TSHZ2: variants seen among roughly 807,000 people sequenced by gnomAD.
TSHZ2 encodes teashirt homolog 2.
A neutral mutation model predicts 74.4 loss-of-function variants in TSHZ2; 21 were observed. The ratio of observed to expected loss-of-function variants is 0.28; its 90% confidence interval spans 0.20 to 0.41. The LOEUF is 0.41. TSHZ2 is among the 10% of genes least tolerant of loss of function. The pLI, the probability that TSHZ2 is intolerant of heterozygous loss-of-function variation, is 1.00. For synonymous variants in TSHZ2, 540 were observed against 515.3 expected, an observed-to-expected ratio of 1.05 and a Z score of -0.65; for missense variants, 1,244 against 1,293.5, an observed-to-expected ratio of 0.96 and a Z score of 0.59.
intron 1 of TSHZ2, among the ~76,000 whole-genome samples, chr20:52,985,776 G>A (rs552920967): frequency 6.6e-6 from 1 of 152,310 alleles, no homozygotes; most frequent in South Asian, 2.1e-4. Context: ...CCGAAAGCAT[G>A]TCTCTACGGG....
intron 1 of TSHZ2, among the ~76,000 whole-genome samples, chr20:53,112,225 G>T (rs908560514): frequency 1.3e-5 from 2 of 152,192 alleles, no homozygotes; most frequent in African/African-American, 4.8e-5. Flanking sequence ...CCACACAGGA[G>T]CCCATGCTCC....
intron 1 of TSHZ2, among the ~76,000 whole-genome samples, chr20:53,136,398 A>G (rs939247380): frequency 6.6e-6 from 1 of 152,140 alleles, no homozygotes; most frequent in Non-Finnish European, 1.5e-5. Flanking sequence ...TTTTAAGGGA[A>G]CTTAAAATTA....
chr20:53,332,433 G>A (rs1374608064), intron 2 of TSHZ2, among the ~76,000 whole-genome samples: 2 of 152,172 alleles, frequency 1.3e-5, no homozygotes, highest in Non-Finnish European at 2.9e-5. Context: ...TGAAAAAGAC[G>A]ATGGCAGAAC....
intron 2 of TSHZ2, among the ~76,000 whole-genome samples, chr20:53,401,908 A>G (rs532989544): frequency 2.7e-4 from 41 of 149,804 alleles, no homozygotes; most frequent in East Asian, 3.9e-4. Context: ...TCAGCCTCCC[A>G]AGTAGCTGGG....
intron 2 of TSHZ2, among the ~76,000 whole-genome samples, chr20:53,263,283 C>A (rs1360896867): frequency 6.6e-6 from 1 of 152,198 alleles, no homozygotes; most frequent in African/African-American, 2.4e-5. Flanking sequence ...CACTTCATAG[C>A]CATAAATAGA....
chr20:53,318,809 T>A (rs1979130344), intron 2 of TSHZ2, among the ~76,000 whole-genome samples: 1 of 152,178 alleles, frequency 6.6e-6, no homozygotes, highest in Admixed American at 6.5e-5. Context: ...TCAACCCATT[T>A]TCATACTGCT....
intron 2 of TSHZ2, among the ~76,000 whole-genome samples, chr20:53,355,082 A>G (rs1447745633): frequency 6.6e-6 from 1 of 152,240 alleles, no homozygotes; most frequent in Admixed American, 6.5e-5. Context: ...TGCCTAGAGT[A>G]TACCCAACAC....
chr20:53,004,154 A>G (rs1429143536), intron 1 of TSHZ2, among the ~76,000 whole-genome samples: 3 of 151,954 alleles, frequency 2.0e-5, no homozygotes, highest in Non-Finnish European at 4.4e-5. Context: ...CCCTCCAATT[A>G]AATACCTGCC....
At chr20:53,174,569 A>C (rs1988280337) in intron 1 of TSHZ2, among the ~76,000 whole-genome samples, 1 of 152,178 alleles carries the variant, frequency 6.6e-6, no homozygotes, top group Non-Finnish European at 1.5e-5. Flanking sequence ...CTTTATCTGC[A>C]GAGCAAGAAT....
intron 1 of TSHZ2, among the ~76,000 whole-genome samples, chr20:53,119,594 T>C (rs1986757621): frequency 6.6e-6 from 1 of 152,114 alleles, no homozygotes; most frequent in Non-Finnish European, 1.5e-5. Context: ...GAAATACACA[T>C]AGACTATCAA....
intron 1 of TSHZ2, chr20:53,196,516 G>A (rs1416244746): frequency 6.6e-6 from 1 of 151,974 alleles, no homozygotes; most frequent in Admixed American, 6.6e-5. Flanking sequence ...GAAGGAACCC[G>A]GAATTATAGG....
intron 1 of TSHZ2, among the ~76,000 whole-genome samples, chr20:52,973,817 T>C (rs1981223906): frequency 6.6e-6 from 1 of 152,122 alleles, no homozygotes; most frequent in Non-Finnish European, 1.5e-5. Flanking sequence ...GGGCCAGCAA[T>C]AGGAGTTTAG....
chr20:53,481,480 G>A (rs956328019), intron 2 of TSHZ2, among the ~76,000 whole-genome samples: 4 of 151,814 alleles, frequency 2.6e-5, no homozygotes, highest in African/African-American at 4.8e-5. Flanking sequence ...AGGCTGAGGT[G>A]GGAGGATCAC....
intron 1 of TSHZ2, among the ~76,000 whole-genome samples, chr20:53,095,512 T>A (rs1044943881): frequency 7.2e-5 from 11 of 152,110 alleles, no homozygotes; most frequent in Admixed American, 5.2e-4. Flanking sequence ...TAAGATATTA[T>A]TAGAAGCAGC....
rs115896804 is a variant in TSHZ2 at position 53,341,545 on chromosome 20, G to A, written c.*8+84974G>A. 3.8e-3 allele frequency among the ~76,000 whole-genome samples: 580 copies of A among 150,834 alleles called. 4 individuals carry two copies. Among genetic ancestry groups the A allele is most frequent in the African/African-American group, 0.013 (540 of 40,944 alleles). On this transcript the variant is annotated intron_variant, in intron 2 of 2. Coordinates refer to ENST00000371497, the MANE Select transcript of TSHZ2 (RefSeq NM_173485.6). ...TTACTATGTTGACCAGGCTAGTCTC[G>A]AACTGCTGACCTCAAGCAATCCTCC...
Position 52,973,122 on chromosome 20 carries a change from G to A in TSHZ2, c.-172G>A, listed in dbSNP as rs926604773. ...TGCCACCCAGAGAGGGGGGTCTCTG[G>A]CCCGTGGTGGAGGAGTTGCAGGGGG... On this transcript the variant is annotated 5_prime_UTR_variant, in exon 1 of 3. The change creates a premature stop within an existing upstream ORF in the 5' untranslated region. Transcript: ENST00000371497. The A allele has an allele frequency of 3.0e-5, 23 of 769,950 alleles. No homozygotes were observed. Among genetic ancestry groups the A allele is most frequent in the Non-Finnish European group, 4.7e-5 (23 of 491,118 alleles). 47.7% of individuals were successfully genotyped at this position (769,950 alleles called of 1,614,324 possible).
intron 2 of TSHZ2, among the ~76,000 whole-genome samples, chr20:53,295,622 A>G (rs1057157319): frequency 6.6e-6 from 1 of 152,212 alleles, no homozygotes; most frequent in Non-Finnish European, 1.5e-5. Flanking sequence ...TAATCACTAG[A>G]CTAAATGGAA....
At chr20:53,060,385 A>G (rs2123163970) in intron 1 of TSHZ2, among the ~76,000 whole-genome samples, 1 of 152,272 alleles carries the variant, frequency 6.6e-6, no homozygotes, top group East Asian at 1.9e-4. Flanking sequence ...CTTCACTACT[A>G]ATACCTAAAA....
intron 1 of TSHZ2, among the ~76,000 whole-genome samples, chr20:53,072,869 C>T (rs1386646674): frequency 1.3e-5 from 2 of 152,150 alleles, no homozygotes; most frequent in Non-Finnish European, 2.9e-5. Flanking sequence ...ATACTTCTGC[C>T]CATCCATCCA....
Sources: allele counts gnomAD v4.1 joint callset (sites outside exome capture counted in the v4.1 genomes callset), GRCh38; gene constraint gnomAD v4.1.1; transcripts MANE v1.5; gene names NCBI Gene and HGNC (gene_info 2026-07-23, HGNC 2026-07-21).